The following RALGAPA1 variants were observed in gnomAD, a reference collection of about 807,000 sequenced individuals.
The protein encoded by RALGAPA1 is ral GTPase-activating protein subunit alpha-1.
RALGAPA1 carries 52 observed loss-of-function variants against 269.6 expected under a neutral mutation model. That is an observed-to-expected ratio of 0.19 (90% CI 0.15 to 0.24). RALGAPA1 has a LOEUF of 0.24. Ranked by LOEUF, RALGAPA1 falls within the 10% of genes least tolerant of loss-of-function variation. The pLI is 1.00. For missense variants in RALGAPA1, 1,917 were observed against 3,013.9 expected, an observed-to-expected ratio of 0.64 and a Z score of 8.52; for synonymous variants, 817 against 1,008.3, an observed-to-expected ratio of 0.81 and a Z score of 3.60.
chr14:35,568,862 G>A (rs898416288), intron 39 of RALGAPA1, among the ~76,000 whole-genome samples: 1 of 152,170 alleles, frequency 6.6e-6, no homozygotes, highest in Non-Finnish European at 1.5e-5. Flanking sequence ...ACTACTCACT[G>A]AACTTGCCTA....
Position 35,725,192 on chromosome 14 carries a change from T to C in RALGAPA1, c.1737-39A>G, listed in dbSNP as rs778443381. ...GACTGATTAATGTTTCCTTCTTGCA[T>C]ATGTTTGCATTTGGTTAATAGTTAA... On this transcript the variant is annotated intron_variant, in intron 13 of 41. Transcript: ENST00000680220. 6 of 1,471,910 alleles carry C rather than the reference T, an allele frequency of 4.1e-6. No homozygotes were observed. In the Admixed American group the frequency reaches 6.7e-5, roughly 17 times the overall value. 91.2% of individuals were successfully genotyped at this position (1,471,910 alleles called of 1,614,324 possible). A position where few individuals can be genotyped will look rare whatever the true frequency, so the allele number is the denominator to read the frequency against.
chr14:35,641,322 A>G (rs2062016339), intron 31 of RALGAPA1, among the ~76,000 whole-genome samples: 1 of 152,202 alleles, frequency 6.6e-6, no homozygotes, highest in Non-Finnish European at 1.5e-5. Flanking sequence ...TGCTGACGAT[A>G]TGATCTTATA....
In RALGAPA1 at chr14:35,775,025, G is replaced by T; in HGVS notation, c.248C>A (p.Ala83Asp). ...ACTTACCTCAAAAATAAAAAGTATA[G>T]CATCCAATTCCTCTCTTTGAGACTT... ...GHKSQREELD[A>D]ILFIFEKILQ... The change falls in exon 3 of 42, where the codon GCT (alanine) becomes GAT (aspartate). Residue 83 changes from alanine (A) to aspartate (D), a missense_variant. Physicochemically the swap from Ala to Asp is moderately radical, Grantham distance 126. Transcript: ENST00000680220. 2 of 1,571,138 alleles carry T rather than the reference G, an allele frequency of 1.3e-6. No homozygotes were observed. Among genetic ancestry groups the T allele is most frequent in the Non-Finnish European group, 1.7e-6 (2 of 1,150,424 alleles).
At chr14:35,711,224 T>A (rs1228871822) in intron 16 of RALGAPA1, among the ~76,000 whole-genome samples, 1 of 152,218 alleles carries the variant, frequency 6.6e-6, no homozygotes, top group African/African-American at 2.4e-5. Context: ...CAGCTAATGT[T>A]TAAAGTGATT....
intron 34 of RALGAPA1, 143 bp from the exon 35 acceptor site, chr14:35,625,575 A>T (rs2060943077): frequency 4.3e-6 from 2 of 469,928 alleles, no homozygotes; most frequent in East Asian, 3.5e-5. Context: ...AACAGACCCT[A>T]AAAAAAATGT....
intron 37 of RALGAPA1, among the ~76,000 whole-genome samples, chr14:35,583,086 G>C (rs1276594672): frequency 6.6e-6 from 1 of 152,152 alleles, no homozygotes; most frequent in Non-Finnish European, 1.5e-5. Flanking sequence ...AGTCTAAAGA[G>C]ACTGAACAAG....
In RALGAPA1 at chr14:35,688,579, G is replaced by C. The variant is rs1469956490; in HGVS notation, c.3832C>G (p.His1278Asp). Residue 1278 changes from histidine (H) to aspartate (D), a missense_variant, in exon 18 of 42, where the codon CAT (histidine) becomes GAT (aspartate). His to Asp is a moderately conservative substitution (Grantham distance 81). Transcript: ENST00000680220. ...TTTGCCTTCGGCTTCGAAAGAGCAT[G>C]TACAACAGTTTTATAAACGCCACCC... Reference protein sequence around the residue: ...SLGGVYKTVVHALSKPKANVS... With the variant: ...SLGGVYKTVVDALSKPKANVS... The C allele has an allele frequency of 1.3e-6, 2 of 1,536,042 alleles. No individual in the cohort carries two copies. Among genetic ancestry groups the C allele is most frequent in the Non-Finnish European group, 1.7e-6 (2 of 1,146,846 alleles).
intron 16 of RALGAPA1, among the ~76,000 whole-genome samples, chr14:35,708,253 G>A (rs949431008): frequency 1.3e-5 from 2 of 152,128 alleles, no homozygotes; most frequent in African/African-American, 4.8e-5. Flanking sequence ...ATGGACAAAT[G>A]AGATGACATC....
chr14:35,542,373 C>G (rs1468827464), intron 41 of RALGAPA1: 1 of 164,120 alleles, frequency 6.1e-6, no homozygotes, highest in Non-Finnish European at 1.3e-5. Flanking sequence ...GAGAGCATTG[C>G]TCTACATTAT....
At chr14:35,725,864 A>G (rs2069854792) in intron 13 of RALGAPA1, among the ~76,000 whole-genome samples, 1 of 152,126 alleles carries the variant, frequency 6.6e-6, no homozygotes, top group South Asian at 2.1e-4. Flanking sequence ...CACTCTTTTC[A>G]TTATGCAGTT....
intron 37 of RALGAPA1, among the ~76,000 whole-genome samples, chr14:35,573,625 G>A (rs1246244610): frequency 1.3e-5 from 2 of 152,088 alleles, no homozygotes; most frequent in Non-Finnish European, 2.9e-5. Flanking sequence ...TGAACATAGG[G>A]TAGGAAAAAG....
At chr14:35,800,842 T>C (rs922089473) in intron 1 of RALGAPA1, among the ~76,000 whole-genome samples, 2 of 152,028 alleles carry the variant, frequency 1.3e-5, no homozygotes, top group Admixed American at 1.3e-4. Context: ...CTGTCTCTAC[T>C]AAAAATACAA....
At chr14:35,800,474 C>T (rs996222820) in intron 1 of RALGAPA1, among the ~76,000 whole-genome samples, 1 of 151,884 alleles carries the variant, frequency 6.6e-6, no homozygotes, top group African/African-American at 2.4e-5. Context: ...AGCTAAAGAA[C>T]AGACTTGTAA....
chr14:35,788,456 T>C (rs141395108), intron 1 of RALGAPA1, among the ~76,000 whole-genome samples: 9 of 152,312 alleles, frequency 5.9e-5, no homozygotes, highest in Admixed American at 3.3e-4. Flanking sequence ...TAATTTTATA[T>C]ACAGGTAAAC....
rs189963037 is a variant in RALGAPA1, at chr14:35,805,186, G to A, written c.106+3544C>T. Among the ~76,000 whole-genome samples the A allele has an allele frequency of 1.1e-4, 17 of 152,056 alleles. No individual in the cohort carries two copies. In the East Asian group the frequency reaches 3.3e-3, roughly 29 times the overall value. On this transcript the variant is annotated intron_variant, in intron 1 of 41. Coordinates refer to ENST00000680220, the MANE Select transcript of RALGAPA1 (RefSeq NM_001346249.2). ...TGCCTGTAATCCCAGCACTTTAGGAGGCTGAGGCGGGGGGACTGCCTGAGC... is the reference window on the plus strand; with the variant it reads ...TGCCTGTAATCCCAGCACTTTAGGAAGCTGAGGCGGGGGGACTGCCTGAGC...
At chr14:35,670,264 A>C (rs1206622867) in intron 26 of RALGAPA1, among the ~76,000 whole-genome samples, 2 of 152,234 alleles carry the variant, frequency 1.3e-5, no homozygotes, top group African/African-American at 4.8e-5. Context: ...TCACTCTTGC[A>C]GCTAAACAAT....
At chr14:35,638,629 A>G (rs1388770023) in intron 31 of RALGAPA1, among the ~76,000 whole-genome samples, 1 of 152,170 alleles carries the variant, frequency 6.6e-6, no homozygotes, top group African/African-American at 2.4e-5. Context: ...CCTACTTATC[A>G]ATAATACCAC....
intron 18 of RALGAPA1, 136 bp from the exon 19 acceptor site, chr14:35,686,802 C>A (rs1444779242): frequency 1.7e-5 from 8 of 478,726 alleles, no homozygotes; most frequent in Non-Finnish European, 2.2e-5. Context: ...AATTTCCCTT[C>A]TTTCAGATTT....
At chr14:35,669,243 C>A (rs557167637) in intron 26 of RALGAPA1, among the ~76,000 whole-genome samples, 1 of 151,994 alleles carries the variant, frequency 6.6e-6, no homozygotes, top group East Asian at 1.9e-4. Context: ...TAATCCTATA[C>A]GGCAGGTTAT....
Sources: gnomAD v4.1 joint callset for allele counts (sites outside exome capture counted in the v4.1 genomes callset) on GRCh38, gnomAD v4.1.1 for gene constraint, MANE v1.5 for transcripts, NCBI Gene and HGNC (gene_info 2026-07-23, HGNC 2026-07-21) for gene names.